The following NEK6 variants were observed in gnomAD, a reference collection of about 807,000 sequenced individuals.
NEK6 encodes serine/threonine-protein kinase Nek6.
In NEK6, 27 loss-of-function variants were observed where a neutral mutation model predicts 43.5. The ratio of observed to expected loss-of-function variants is 0.62; its 90% CI spans 0.46 to 0.86. The LOEUF (loss-of-function observed/expected upper bound fraction) is 0.86. Among genes scored for constraint, NEK6 ranks in the 40% least tolerant of loss-of-function variants. The pLI is 0.00. For synonymous variants in NEK6, 167 were observed against 164.1 expected (o/e 1.02, Z -0.14); for missense variants, 318 against 414.4 (o/e 0.77, Z 2.02).
intron 9 of NEK6, among the ~76,000 whole-genome samples, chr9:124,348,679 A>T (rs1351236953): frequency 6.6e-6 from 1 of 152,214 alleles, no homozygotes. Flanking sequence ...TGGCCAATGG[A>T]TGGGGCCTGG....
chr9:124,273,890 A>ACCT (rs1477326291), intron 1 of NEK6, among the ~76,000 whole-genome samples: 1 of 152,098 alleles, frequency 6.6e-6, no homozygotes, highest in African/African-American at 2.4e-5. Context: ...CTCTTCCAGG[A>ACCT]CCTAATAAGG....
chr9:124,271,008 C>T (rs539873605), intron 1 of NEK6, among the ~76,000 whole-genome samples: 1 of 152,340 alleles, frequency 6.6e-6, no homozygotes, highest in Non-Finnish European at 1.5e-5. Context: ...TGTTGGTTCT[C>T]TCCACAGAGC....
intron 3 of NEK6, among the ~76,000 whole-genome samples, 187 bp from the exon 4 acceptor site, chr9:124,313,733 TGTG>T (rs140144955): frequency 0.045 from 6,796 of 152,058 alleles, 221 homozygotes; most frequent in African/African-American, 0.095. Context: ...CGATGGGTTT[TGTG>T]GTGGGACAGT....
intron 1 of NEK6, among the ~76,000 whole-genome samples, chr9:124,277,551 C>T (rs1564617818): frequency 6.6e-6 from 1 of 152,230 alleles, no homozygotes; most frequent in Non-Finnish European, 1.5e-5. Context: ...TTGGCACCCT[C>T]AGCCTCTCTC....
In NEK6 at chr9:124,326,209, C is replaced by CG. The variant is rs1249294986; in HGVS notation, c.406-121_406-120insG. The CG allele has an allele frequency of 3.1e-5, 6 of 193,986 alleles. No homozygotes were observed. The highest frequency in any genetic ancestry group is 5.2e-5 in the Non-Finnish European group (4 of 77,410). The allele number at this position is 193,986 out of a possible 1,614,324, so 12.0% of individuals were successfully genotyped here. On this transcript the variant is annotated intron_variant, in intron 5 of 9. Coordinates refer to ENST00000320246, the MANE Select transcript of NEK6 (RefSeq NM_014397.6). The surrounding 1 kb of genome is among the most constrained non-coding windows in gnomAD (Gnocchi z 4.5). Reference sequence around the variant, plus strand: ...GTTTGCTCAGTGGCTCAATCCCCCCCCCCCGCCCCTGCCAGGCACCAGTTA... The same window carrying CG: ...GTTTGCTCAGTGGCTCAATCCCCCCCGCCCCGCCCCTGCCAGGCACCAGTTA...
rs1375138662 is a variant in NEK6 at position 124,257,987 on chromosome 9, C to A, written c.-128C>A. The A allele has an allele frequency of 1.0e-6, 1 of 978,646 alleles. No individual in the cohort carries two copies. Among genetic ancestry groups the A allele is most frequent in the African/African-American group, 1.8e-5 (1 of 56,382 alleles). 60.6% of individuals were successfully genotyped at this position (978,646 alleles called of 1,614,324 possible). A position where few individuals can be genotyped will look rare whatever the true frequency, so the allele number is the denominator to read the frequency against. ...CGGCGGAACCGAGCTGACGGGCGTG[C>A]GGCCGCTGCGCCGCAAACTCGTGTG... On this transcript the variant is annotated 5_prime_UTR_variant, in exon 1 of 10. Transcript: ENST00000320246.
chr9:124,325,660 A>T (rs1189936145), intron 5 of NEK6, among the ~76,000 whole-genome samples: 6 of 152,220 alleles, frequency 3.9e-5, no homozygotes, highest in Non-Finnish European at 5.9e-5. Context: ...TCTGTTACTT[A>T]CAGCTCACTC....
chr9:124,347,815 C>A lies in NEK6; in HGVS notation c.824C>A (p.Ser275Tyr), dbSNP rs746106299. 1 of 1,607,896 alleles carries A rather than the reference C, an allele frequency of 6.2e-7. No individual in the cohort carries two copies. Among genetic ancestry groups the A allele is most frequent in the Non-Finnish European group, 8.5e-7 (1 of 1,175,268 alleles). ...CCCCCACTCCCCGGGGAGCACTACT[C>A]CGAGAAGGTGAGTTTGCAGGAGCCG... ...DYPPLPGEHY[S>Y]EKLRELVSMC... is the part of the protein sequence containing the mutation. Residue 275 changes from serine to tyrosine, a missense_variant, in exon 9 of 10, where the codon TCC (serine) becomes TAC (tyrosine). This residue lies in a region of NEK6 where 79 missense variants were observed against 70.0 expected (regional missense o/e 1.13). Coordinates refer to ENST00000320246, the MANE Select transcript of NEK6 (RefSeq NM_014397.6).
intron 1 of NEK6, among the ~76,000 whole-genome samples, chr9:124,270,634 G>T (rs1044284860): frequency 2.6e-5 from 4 of 152,096 alleles, no homozygotes; most frequent in African/African-American, 9.7e-5. Flanking sequence ...GATACTTTCA[G>T]GGTGAGTGCA....
At position 124,257,993 on chromosome 9, in the gene NEK6, C is replaced by G. The variant is rs995802405; in HGVS notation, c.-122C>G. On this transcript the variant is annotated 5_prime_UTR_variant, in exon 1 of 10. Transcript: ENST00000320246. ...AACCGAGCTGACGGGCGTGCGGCCGCTGCGCCGCAAACTCGTGTGGGACGC... is the reference window on the plus strand; with the variant it reads ...AACCGAGCTGACGGGCGTGCGGCCGGTGCGCCGCAAACTCGTGTGGGACGC... The G allele has an allele frequency of 1.9e-4, 187 of 978,714 alleles. No homozygotes were observed. The highest frequency in any genetic ancestry group is 2.2e-4 in the Non-Finnish European group (180 of 827,432). 60.6% of individuals were successfully genotyped at this position (978,714 alleles called of 1,614,324 possible). A position where few individuals can be genotyped will look rare whatever the true frequency, so the allele number is the denominator to read the frequency against.
chr9:124,286,974 CCTGGGATCCAG>C (rs1832194239), intron 1 of NEK6, among the ~76,000 whole-genome samples: 3 of 152,184 alleles, frequency 2.0e-5, no homozygotes, highest in African/African-American at 4.8e-5. Context: ...CCCTGGCTCA[CCTGGGATCCAG>C]CTGGGGCACA....
At chr9:124,319,208 C>T (rs1833950327) in intron 4 of NEK6, among the ~76,000 whole-genome samples, 1 of 151,728 alleles carries the variant, frequency 6.6e-6, no homozygotes, top group Non-Finnish European at 1.5e-5. Context: ...TGGTCTCGAA[C>T]TCCTGATCTC....
At chr9:124,350,781 C>T (rs747936387) in intron 9 of NEK6, 56 bp from the exon 10 acceptor site, 19 of 1,249,338 alleles carry the variant, frequency 1.5e-5, no homozygotes, top group Admixed American at 3.5e-5. Flanking sequence ...CTGTGGAGTG[C>T]GGAGCCTCAG....
chr9:124,313,767 G>T (rs1833668249), intron 3 of NEK6, among the ~76,000 whole-genome samples, 156 bp from the exon 4 acceptor site: 1 of 152,060 alleles, frequency 6.6e-6, no homozygotes, highest in Non-Finnish European at 1.5e-5. Flanking sequence ...CCCACAGTGA[G>T]CAAGCCCTAC....
intron 2 of NEK6, among the ~76,000 whole-genome samples, chr9:124,306,298 G>T (rs1054390709): frequency 2.0e-5 from 3 of 152,042 alleles, no homozygotes; most frequent in Non-Finnish European, 4.4e-5. Context: ...ATCATCTTTC[G>T]TATGTGTAAG....
intron 5 of NEK6, among the ~76,000 whole-genome samples, chr9:124,323,371 C>G (rs778201339): frequency 6.6e-6 from 1 of 152,122 alleles, no homozygotes; most frequent in Non-Finnish European, 1.5e-5. Context: ...GCTCCAGGCT[C>G]GGGGTCCAGG....
At chr9:124,259,567 T>C (rs1032733541) in intron 1 of NEK6, 2 of 152,134 alleles carry the variant, frequency 1.3e-5, no homozygotes, top group African/African-American at 4.8e-5. Context: ...AAACACCTTC[T>C]GGGTTTGCTG....
At chr9:124,312,422 C>A in intron 2 of NEK6, 87 bp from the exon 3 acceptor site, 1 of 1,416,000 alleles carries the variant, frequency 7.1e-7, no homozygotes, top group Non-Finnish European at 9.5e-7. Flanking sequence ...TTAGAGGGTG[C>A]TGTTGGGGTG....
At chr9:124,333,773 CTTTTTTTTTTT>C (rs148074227) in intron 7 of NEK6, among the ~76,000 whole-genome samples, 3 of 120,018 alleles carry the variant, frequency 2.5e-5, no homozygotes, top group Non-Finnish European at 5.1e-5. Context: ...CATTTCAGTC[CTTTTTTTTTTT>C]TTTTTTTTTT....
Sources: gnomAD v4.1 joint callset for allele counts (sites outside exome capture counted in the v4.1 genomes callset) on GRCh38, gnomAD v4.1.1 for gene constraint, gnomAD v4.1.1 regional missense constraint, Gnocchi (gnomAD v3.1) non-coding constraint, MANE v1.5 for transcripts, NCBI Gene and HGNC (gene_info 2026-07-23, HGNC 2026-07-21) for gene names.